COL4A6: variants seen among roughly 807,000 people sequenced by gnomAD.
COL4A6 encodes collagen type IV alpha 6 chain.
Under a neutral mutation model 126.7 loss-of-function variants are expected in COL4A6, and 59 were observed. That is an observed-to-expected ratio of 0.47 (90% CI 0.38 to 0.58). COL4A6 has a LOEUF of 0.58. Among genes scored for constraint, COL4A6 ranks in the 20% least tolerant of loss-of-function variants. COL4A6 has a pLI of 0.00. For synonymous variants in COL4A6, 547 were observed against 496.6 expected (o/e 1.10, Z -1.35); for missense variants, 1,285 against 1,337.3 (o/e 0.96, Z 0.61).
chrX:108,254,908 C>A lies in COL4A6; in HGVS notation c.145-33534G>T, dbSNP rs892957740. Among the ~76,000 whole-genome samples the A allele has an allele frequency of 5.5e-5, 6 of 109,379 alleles. No homozygotes were observed. In the East Asian group the frequency reaches 1.7e-3, roughly 32 times the overall value. The allele number at this position is 109,379 out of a possible 115,157, so 95.0% of individuals were successfully genotyped here. ...GGAGAAGTTAGGTTTGGAGAAACCA[C>A]TAGTGGAGTAAAACATTTTATTTAC... On this transcript the variant is annotated intron_variant, in intron 3 of 44. Transcript: ENST00000334504.
At chrX:108,283,900 A>G (rs965042885) in intron 3 of COL4A6, among the ~76,000 whole-genome samples, 2 of 111,538 alleles carry the variant, frequency 1.8e-5, no homozygotes, top group Non-Finnish European at 3.8e-5. Context: ...AGGAAGATTG[A>G]TGGATACTAA....
intron 2 of COL4A6, among the ~76,000 whole-genome samples, chrX:108,335,735 G>C (rs2039416913): frequency 9.0e-6 from 1 of 111,080 alleles, no homozygotes; most frequent in African/African-American, 3.3e-5. Flanking sequence ...AGCTCTACAA[G>C]GTGGGGGTGA....
chrX:108,206,361 C>T (rs766934374), intron 9 of COL4A6, 157 bp downstream of exon 9: 6 of 585,108 alleles, frequency 1.0e-5, no homozygotes, highest in East Asian at 6.6e-5. Context: ...AATAGCTCCT[C>T]GCAAGAGCAT....
chrX:108,397,907 G>A (rs889736115), intron 2 of COL4A6, among the ~76,000 whole-genome samples: 1 of 112,026 alleles, frequency 8.9e-6, no homozygotes, highest in African/African-American at 3.2e-5. Context: ...AGGCTAATTA[G>A]CTGACATTGT....
chrX:108,323,159 G>A (rs1315056026), intron 2 of COL4A6, among the ~76,000 whole-genome samples: 1 of 112,096 alleles, frequency 8.9e-6, no homozygotes, highest in African/African-American at 3.2e-5. Context: ...GGAGGGGAAA[G>A]TAGAGTTATA....
intron 3 of COL4A6, among the ~76,000 whole-genome samples, chrX:108,224,848 T>G (rs1318524608): frequency 9.0e-6 from 1 of 111,097 alleles, no homozygotes; most frequent in East Asian, 2.8e-4. Flanking sequence ...ACCCCGACAC[T>G]ATCAGCGACA....
intron 2 of COL4A6, among the ~76,000 whole-genome samples, chrX:108,349,014 C>G (rs1360485491): frequency 9.0e-6 from 1 of 111,257 alleles, no homozygotes; most frequent in Non-Finnish European, 1.9e-5. Context: ...AGTGCCATGA[C>G]ATGGATAAGT....
At chrX:108,320,590 C>T (rs981205378) in intron 2 of COL4A6, among the ~76,000 whole-genome samples, 21 of 111,158 alleles carry the variant, frequency 1.9e-4, no homozygotes, top group African/African-American at 5.9e-4. Context: ...AGAAATGCAT[C>T]GGTTTTAGGA....
At chrX:108,403,185 C>G (rs1194093708) in intron 2 of COL4A6, among the ~76,000 whole-genome samples, 1 of 104,886 alleles carries the variant, frequency 9.5e-6, no homozygotes, top group Non-Finnish European at 1.9e-5. Context: ...AGATCTTTTT[C>G]TTGATGGTGT....
At chrX:108,317,107 G>T (rs1313803302) in intron 2 of COL4A6, among the ~76,000 whole-genome samples, 2 of 112,406 alleles carry the variant, frequency 1.8e-5, no homozygotes, top group Admixed American at 1.9e-4. Context: ...GATGATGGAT[G>T]TTTATAACAG....
At chrX:108,421,269 T>G (rs1228727983) in intron 2 of COL4A6, among the ~76,000 whole-genome samples, 1 of 112,135 alleles carries the variant, frequency 8.9e-6, no homozygotes, top group Non-Finnish European at 1.9e-5. Context: ...ACAGCTAAAT[T>G]TATTGAGCGC....
chrX:108,384,741 G>A (rs1433649070), intron 2 of COL4A6, among the ~76,000 whole-genome samples: 1 of 111,835 alleles, frequency 8.9e-6, no homozygotes, highest in Non-Finnish European at 1.9e-5. Flanking sequence ...CGTAAATGTC[G>A]ACTCTCAACT....
At chrX:108,167,327 T>C in intron 37 of COL4A6, among the ~76,000 whole-genome samples, 1 of 111,575 alleles carries the variant, frequency 9.0e-6, no homozygotes, top group Non-Finnish European at 1.9e-5. Context: ...GATTGCTCTA[T>C]GAAGTTTTTT....
intron 2 of COL4A6, among the ~76,000 whole-genome samples, chrX:108,323,188 A>G (rs1454919676): frequency 8.9e-6 from 1 of 112,246 alleles, no homozygotes; most frequent in African/African-American, 3.2e-5. Flanking sequence ...TGCAATGATT[A>G]CATTTATTCA....
chrX:108,174,600 C>T lies in COL4A6; in HGVS notation c.2978G>A (p.Arg993Gln), dbSNP rs772125106. 1.7e-5 allele frequency: 20 copies of T among 1,176,418 alleles called. No homozygotes were observed. The highest frequency in any genetic ancestry group is 3.1e-5 in the East Asian group (1 of 32,713). The change falls in exon 31 of 45, where the codon CGA becomes CAA. Residue 993 changes from arginine to glutamine, a missense_variant. Arg to Gln is a conservative substitution (Grantham distance 43, BLOSUM62 1). Coordinates refer to ENST00000334504, the MANE Select transcript of COL4A6 (RefSeq NM_033641.4). ...TCCAGGTAGGCCTGGTGGTCCAGGT[C>T]GACCAGCCTCTCCTTTGTCACCTGT... is the stretch of plus-strand genomic sequence containing the variant. The part of the protein sequence containing the change: ...GPRGDKGEAG[R>Q]PGPPGLPGAP...
chrX:108,298,704 G>A (rs776608012), intron 3 of COL4A6, among the ~76,000 whole-genome samples: 15 of 109,823 alleles, frequency 1.4e-4, no homozygotes, highest in Admixed American at 9.5e-4. Context: ...CTGGGGTCTG[G>A]GGGCGTTGGG....
intron 2 of COL4A6, among the ~76,000 whole-genome samples, chrX:108,427,318 A>G (rs771853581): frequency 1.8e-5 from 2 of 112,044 alleles, no homozygotes; most frequent in Admixed American, 9.5e-5. Context: ...GGGGTTGACA[A>G]CAATGCCTGG....
At chrX:108,232,134 C>G (rs2036324748) in intron 3 of COL4A6, among the ~76,000 whole-genome samples, 3 of 111,737 alleles carry the variant, frequency 2.7e-5, no homozygotes, top group African/African-American at 9.8e-5. Context: ...TCCCTTACCC[C>G]TGGGAAATGT....
At chrX:108,234,475 C>T (rs1186207174) in intron 3 of COL4A6, among the ~76,000 whole-genome samples, 1 of 112,064 alleles carries the variant, frequency 8.9e-6, no homozygotes, top group Non-Finnish European at 1.9e-5. Context: ...AATCAGTCTA[C>T]TTGTTCCACT....
Sources: allele counts gnomAD v4.1 joint callset (sites outside exome capture counted in the v4.1 genomes callset), GRCh38; gene constraint gnomAD v4.1.1; transcripts MANE v1.5; gene names NCBI Gene and HGNC (gene_info 2026-07-23, HGNC 2026-07-21).